VPS13B: variants seen among roughly 807,000 people sequenced by gnomAD.
VPS13B encodes the protein vacuolar protein sorting 13 homolog B.
In VPS13B, 285 loss-of-function variants were observed where a neutral mutation model predicts 426.4. The observed-to-expected ratio is 0.67, with a 90% CI of 0.61 to 0.74. The LOEUF is 0.74. VPS13B is among the 30% of genes least tolerant of loss of function. The pLI is 0.00. For missense variants in VPS13B, 4,537 were observed against 4,782.6 expected, an observed-to-expected ratio of 0.95 and a Z score of 1.51; for synonymous variants, 1,676 against 1,676.4, an observed-to-expected ratio of 1.00 and a Z score of 0.01.
chr8:99,070,437 C>G (rs879675242), intron 3 of VPS13B, among the ~76,000 whole-genome samples: 1 of 152,192 alleles, frequency 6.6e-6, no homozygotes, highest in Non-Finnish European at 1.5e-5. Flanking sequence ...TTTTCTAGAA[C>G]AGTTCCAATT....
intron 33 of VPS13B, among the ~76,000 whole-genome samples, chr8:99,595,471 A>C (rs1339876028): frequency 6.6e-6 from 1 of 151,972 alleles, no homozygotes; most frequent in Non-Finnish European, 1.5e-5. Context: ...TATGTAACTC[A>C]AAATGGATCA....
At chr8:99,401,640 C>T (rs1203072596) in intron 21 of VPS13B, among the ~76,000 whole-genome samples, 2 of 152,106 alleles carry the variant, frequency 1.3e-5, no homozygotes, top group Non-Finnish European at 2.9e-5. Flanking sequence ...CCAAGGTGGG[C>T]GGATCACCTG....
chr8:99,871,256 C>T lies in VPS13B; in HGVS notation c.11496-192C>T. ...CAAAACCAAGGGAAATCTTTGTTCC[C>T]AGGAGGAAGCAGGTTCTGTTAATCA... On this transcript the variant is annotated intron_variant, in intron 60 of 61. Transcript: ENST00000357162. 4.7e-6 allele frequency: 4 copies of T among 860,042 alleles called. No individual in the cohort carries two copies. The South Asian group carries it at 6.5e-5, about 14-fold the overall frequency. 53.3% of individuals were successfully genotyped at this position (860,042 alleles called of 1,614,324 possible). A position where few individuals can be genotyped will look rare whatever the true frequency, so the allele number is the denominator to read the frequency against.
At chr8:99,629,421 A>G (rs1828747241) in intron 33 of VPS13B, among the ~76,000 whole-genome samples, 1 of 152,216 alleles carries the variant, frequency 6.6e-6, no homozygotes, top group Non-Finnish European at 1.5e-5. Flanking sequence ...CAAGAAGCTT[A>G]CAATATAGAG....
intron 2 of VPS13B, among the ~76,000 whole-genome samples, chr8:99,020,429 G>A (rs1388298654): frequency 2.6e-5 from 4 of 152,138 alleles, no homozygotes; most frequent in Admixed American, 2.0e-4. Context: ...CTCACATGCT[G>A]TCAGTGGCAT....
chr8:99,273,452 C>T (rs185000746), intron 17 of VPS13B, among the ~76,000 whole-genome samples: 85 of 151,988 alleles, frequency 5.6e-4, no homozygotes, highest in Non-Finnish European at 7.5e-4. Flanking sequence ...AGGCGTGAGT[C>T]ACCGCGCCCA....
At chr8:99,448,121 T>TTATTTTTA (rs1554796483) in intron 23 of VPS13B, among the ~76,000 whole-genome samples, 2 of 141,788 alleles carry the variant, frequency 1.4e-5, no homozygotes, top group Non-Finnish European at 3.1e-5. Flanking sequence ...GTGGTTTTAT[T>TTATTTTTA]TTTATTTATT....
At chr8:99,462,686 A>G (rs1398537312) in intron 23 of VPS13B, among the ~76,000 whole-genome samples, 2 of 152,130 alleles carry the variant, frequency 1.3e-5, no homozygotes, top group East Asian at 1.9e-4. Context: ...TCAAATTCAT[A>G]TGTTGAGCCC....
chr8:99,698,544 A>G (rs550798199), intron 35 of VPS13B, among the ~76,000 whole-genome samples: 51 of 152,208 alleles, frequency 3.4e-4, no homozygotes, highest in Non-Finnish European at 6.6e-4. Flanking sequence ...ATTACATATG[A>G]TTTATAACTT....
intron 33 of VPS13B, among the ~76,000 whole-genome samples, chr8:99,596,126 G>A (rs1444121504): frequency 1.3e-5 from 2 of 151,874 alleles, no homozygotes; most frequent in Admixed American, 1.3e-4. Flanking sequence ...TCTGAGAGTT[G>A]AATAGATCAG....
At chr8:99,430,064 A>G (rs1035843338) in intron 21 of VPS13B, among the ~76,000 whole-genome samples, 1 of 152,138 alleles carries the variant, frequency 6.6e-6, no homozygotes, top group Non-Finnish European at 1.5e-5. Flanking sequence ...GACTACTATA[A>G]TGCTCTGCCC....
chr8:99,089,663 T>C (rs751338930), intron 3 of VPS13B, among the ~76,000 whole-genome samples: 6 of 152,118 alleles, frequency 3.9e-5, no homozygotes, highest in Non-Finnish European at 8.8e-5. Flanking sequence ...AAAGTTCTTA[T>C]TATGCAGATG....
chr8:99,598,439 G>A lies in VPS13B; in HGVS notation c.5220+20806G>A, dbSNP rs561799495. On this transcript the variant is annotated intron_variant, in intron 33 of 61. Transcript: ENST00000357162. ...GAGTGCTGAGATTGCCCTGGGTTACGTTCATTTGGCTGCAGTAATTATTCA... is the reference window on the plus strand; with the variant it reads ...GAGTGCTGAGATTGCCCTGGGTTACATTCATTTGGCTGCAGTAATTATTCA... 1.1e-4 allele frequency among the ~76,000 whole-genome samples: 16 copies of A among 152,068 alleles called. No individual in the cohort carries two copies. In the South Asian group the frequency reaches 1.2e-3, roughly 12 times the overall value.
chr8:99,447,916 C>T lies in VPS13B; in HGVS notation c.3445+5281C>T, dbSNP rs1468388763. 2.0e-5 allele frequency among the ~76,000 whole-genome samples: 3 copies of T among 151,634 alleles called. No homozygotes were observed. In the East Asian group the frequency reaches 5.8e-4, roughly 29 times the overall value. On this transcript the variant is annotated intron_variant, in intron 23 of 61. Coordinates refer to ENST00000357162, the MANE Select transcript of VPS13B (RefSeq NM_152564.5). ...TTATAAAAGGACCGATATATAGTGC[C>T]CATCATTCTTTATACCTTCAATACT...
At chr8:99,059,590 G>C (rs1032841932) in intron 3 of VPS13B, among the ~76,000 whole-genome samples, 2 of 151,978 alleles carry the variant, frequency 1.3e-5, no homozygotes, top group African/African-American at 4.8e-5. Flanking sequence ...CATCCACAGG[G>C]GTCCTAGAAA....
chr8:99,085,284 T>C (rs1845712323), intron 3 of VPS13B, among the ~76,000 whole-genome samples: 1 of 152,160 alleles, frequency 6.6e-6, no homozygotes, highest in Non-Finnish European at 1.5e-5. Flanking sequence ...ACCCCTGCCT[T>C]TTTTTGTTTT....
chr8:99,090,688 G>A (rs1846095241), intron 3 of VPS13B, among the ~76,000 whole-genome samples: 1 of 151,814 alleles, frequency 6.6e-6, no homozygotes, highest in Non-Finnish European at 1.5e-5. Flanking sequence ...TTTCCTGAAG[G>A]TGCCTAACAC....
chr8:99,350,823 A>G lies in VPS13B; in HGVS notation c.2825-33385A>G, dbSNP rs1161630219. ...GTATATATAATATGCAATATGAATT[A>G]TATATGATATGAATTATATGTATAT... On this transcript the variant is annotated intron_variant, in intron 19 of 61. Coordinates refer to ENST00000357162, the MANE Select transcript of VPS13B (RefSeq NM_152564.5). 4.6e-5 allele frequency among the ~76,000 whole-genome samples: 7 copies of G among 151,524 alleles called. No individual in the cohort carries two copies. In the South Asian group the frequency reaches 1.0e-3, roughly 22 times the overall value.
intron 14 of VPS13B, among the ~76,000 whole-genome samples, chr8:99,151,317 T>C (rs1403119658): frequency 2.0e-5 from 3 of 152,032 alleles, no homozygotes; most frequent in Non-Finnish European, 4.4e-5. Context: ...TTTCCCCCAA[T>C]CTGTGGCTTG....
Sources: gnomAD v4.1 joint callset for allele counts (sites outside exome capture counted in the v4.1 genomes callset) on GRCh38, gnomAD v4.1.1 for gene constraint, MANE v1.5 for transcripts, NCBI Gene and HGNC (gene_info 2026-07-23, HGNC 2026-07-21) for gene names.